Variants in ANKRD17 observed in about 807,000 individuals in gnomAD.
ANKRD17 encodes the protein ankyrin repeat domain-containing protein 17.
A neutral mutation model predicts 229.7 loss-of-function variants in ANKRD17; 19 were observed. The observed-to-expected ratio is 0.08, with a 90% CI of 0.06 to 0.12. ANKRD17 has a LOEUF of 0.12. Ranked by LOEUF, ANKRD17 falls within the 10% of genes least tolerant of loss-of-function variation. The pLI, the probability that ANKRD17 is intolerant of heterozygous loss-of-function variation, is 1.00. For synonymous variants in ANKRD17, 1,112 were observed against 1,146.1 expected (o/e 0.97, Z 0.60); for missense variants, 2,176 against 3,176.8 (o/e 0.68, Z 7.57).
chr4:73,203,809 A>T (rs1000512271), intron 1 of ANKRD17, among the ~76,000 whole-genome samples: 7 of 151,848 alleles, frequency 4.6e-5, no homozygotes, highest in Non-Finnish European at 1.0e-4. Flanking sequence ...AAAATTCTCA[A>T]AATTGGATAG....
intron 1 of ANKRD17, among the ~76,000 whole-genome samples, chr4:73,221,820 T>C (rs1400318848): frequency 6.6e-6 from 1 of 151,872 alleles, no homozygotes; most frequent in Non-Finnish European, 1.5e-5. Context: ...TGCAAGGAGG[T>C]AGGTAATAAA....
rs770990956 is a variant in ANKRD17 at position 73,146,758 on chromosome 4, G to A, written c.1869+6C>T. 1.9e-6 allele frequency: 3 copies of A among 1,580,308 alleles called. No homozygotes were observed. Among genetic ancestry groups the A allele is most frequent in the Non-Finnish European group, 2.6e-6 (3 of 1,156,034 alleles). On this transcript the variant is annotated splice_donor_region_variant and intron_variant, in intron 10 of 33. Coordinates refer to ENST00000358602, the MANE Select transcript of ANKRD17 (RefSeq NM_032217.5). Reference sequence around the variant, plus strand: ...ATATTAAGATTTAAAAAGTAACATAGCTTACCAGATCTGCGCCTGCCTGAA... The same window carrying A: ...ATATTAAGATTTAAAAAGTAACATAACTTACCAGATCTGCGCCTGCCTGAA...
chr4:73,229,710 TA>T (rs1030863166), intron 1 of ANKRD17, among the ~76,000 whole-genome samples: 3 of 151,066 alleles, frequency 2.0e-5, no homozygotes, highest in African/African-American at 4.8e-5. Context: ...ATCTACCCTT[TA>T]AAAAAAAATC....
chr4:73,229,829 A>T (rs1440777408), intron 1 of ANKRD17, among the ~76,000 whole-genome samples: 1 of 152,122 alleles, frequency 6.6e-6, no homozygotes, highest in Non-Finnish European at 1.5e-5. Context: ...AAAGACCCAG[A>T]ATTGTTTGGG....
rs143855260 is a variant in ANKRD17, at chr4:73,194,219, T to C, written c.394-16686A>G. On this transcript the variant is annotated intron_variant, in intron 1 of 33. Coordinates refer to ENST00000358602, the MANE Select transcript of ANKRD17 (RefSeq NM_032217.5). ...GTCACAGATTTTCTATGTTCTCTTC[T>C]AGAAGTTGCATTGTTTACATTGAGG... Among the ~76,000 whole-genome samples the C allele has an allele frequency of 2.8e-4, 42 of 152,368 alleles. No individual in the cohort carries two copies. In the East Asian group the frequency reaches 7.3e-3, roughly 27 times the overall value.
In ANKRD17 at chr4:73,156,073, T is replaced by C; in HGVS notation, c.798A>G (p.Glu266=). ...AAGCTAAACAAAGGAGGCTCTCCCC[T>C]TCCTCTGTGTGTTCATTTACACTTC... ...EGRSVNEHTE[E]GESLLCLACS... is the part of the protein sequence containing the mutation. The change falls in exon 4 of 34, where the codon GAA becomes GAG. Residue 266 remains glutamate, a synonymous_variant. Transcript: ENST00000358602. 1 of 1,613,498 alleles carries C rather than the reference T, an allele frequency of 6.2e-7. No individual in the cohort carries two copies.
chr4:73,076,222 T>G lies in ANKRD17; in HGVS notation c.*9A>C. On this transcript the variant is annotated 3_prime_UTR_variant, in exon 34 of 34. Transcript: ENST00000358602. ...AAAAGGAATCTGCAGGCTAACAAGC[T>G]GATCCTCATCAGCCAAGCTGGTTCA... 1 of 1,605,582 alleles carries G rather than the reference T, an allele frequency of 6.2e-7. No individual in the cohort carries two copies. Among genetic ancestry groups the G allele is most frequent in the Non-Finnish European group, 8.5e-7 (1 of 1,176,958 alleles).
intron 1 of ANKRD17, among the ~76,000 whole-genome samples, chr4:73,238,227 T>C (rs1743683715): frequency 6.6e-6 from 1 of 152,112 alleles, no homozygotes; most frequent in Non-Finnish European, 1.5e-5. Context: ...TTAGGTCACC[T>C]AACCTCCCTC....
At chr4:73,195,341 T>C (rs1415597187) in intron 1 of ANKRD17, among the ~76,000 whole-genome samples, 1 of 152,200 alleles carries the variant, frequency 6.6e-6, no homozygotes, top group Non-Finnish European at 1.5e-5. Context: ...ATAATATCTT[T>C]GCTTGGTCTT....
At chr4:73,118,641 G>C (rs760883683) in intron 22 of ANKRD17, 47 bp downstream of exon 22, 9 of 1,600,304 alleles carry the variant, frequency 5.6e-6, no homozygotes, top group Admixed American at 1.7e-5. Context: ...GTACTTCCTA[G>C]TGTAAGTAAA....
At chr4:73,230,358 A>G (rs1473988813) in intron 1 of ANKRD17, among the ~76,000 whole-genome samples, 11 of 152,136 alleles carry the variant, frequency 7.2e-5, no homozygotes, top group African/African-American at 2.7e-4. Context: ...CTCAAGGCTC[A>G]TACTATAAAA....
chr4:73,219,169 T>C (rs1475705883), intron 1 of ANKRD17, among the ~76,000 whole-genome samples: 5 of 152,224 alleles, frequency 3.3e-5, no homozygotes, highest in Admixed American at 2.0e-4. Context: ...TTTACATATT[T>C]ATCTAAACTT....
chr4:73,227,932 T>A (rs1341587428), intron 1 of ANKRD17, among the ~76,000 whole-genome samples: 4 of 152,148 alleles, frequency 2.6e-5, no homozygotes, highest in Admixed American at 2.6e-4. Flanking sequence ...TTCATTCCTA[T>A]CAATTTTTTA....
At chr4:73,216,122 G>A (rs1257376507) in intron 1 of ANKRD17, among the ~76,000 whole-genome samples, 1 of 152,084 alleles carries the variant, frequency 6.6e-6, no homozygotes, top group Non-Finnish European at 1.5e-5. Context: ...TGAGAGTCTA[G>A]TTATCTTCCA....
chr4:73,202,052 G>T (rs1048813545), intron 1 of ANKRD17, among the ~76,000 whole-genome samples: 1 of 152,070 alleles, frequency 6.6e-6, no homozygotes, highest in Non-Finnish European at 1.5e-5. Context: ...AGCCATGAAA[G>T]ATTTTTCACT....
At chr4:73,119,303 C>T (rs1726404780) in intron 21 of ANKRD17, among the ~76,000 whole-genome samples, 1 of 152,146 alleles carries the variant, frequency 6.6e-6, no homozygotes, top group African/African-American at 2.4e-5. Context: ...ATATGTCTTG[C>T]TCTCAGAATT....
chr4:73,189,382 T>C (rs1736723989), intron 1 of ANKRD17, among the ~76,000 whole-genome samples: 1 of 149,670 alleles, frequency 6.7e-6, no homozygotes, highest in South Asian at 2.1e-4. Context: ...ACATATACGG[T>C]GATATTCCTC....
intron 2 of ANKRD17, among the ~76,000 whole-genome samples, chr4:73,162,196 G>A (rs1732624000): frequency 6.6e-6 from 1 of 152,004 alleles, no homozygotes; most frequent in African/African-American, 2.4e-5. Context: ...CTACAGGTGT[G>A]CACTACCATG....
intron 1 of ANKRD17, among the ~76,000 whole-genome samples, chr4:73,179,508 A>ATC (rs1735221404): frequency 1.3e-5 from 1 of 79,176 alleles, no homozygotes; most frequent in South Asian, 3.7e-4. Context: ...ATATATATAT[A>ATC]TATATATATA....
Sources: allele counts gnomAD v4.1 joint callset (sites outside exome capture counted in the v4.1 genomes callset), GRCh38; gene constraint gnomAD v4.1.1; transcripts MANE v1.5; gene names NCBI Gene and HGNC (gene_info 2026-07-23, HGNC 2026-07-21).